PARP16: variants seen among roughly 807,000 people sequenced by gnomAD.
The protein encoded by PARP16 is protein mono-ADP-ribosyltransferase PARP16.
Under a neutral mutation model 35.0 loss-of-function variants are expected in PARP16, and 31 were observed. The ratio of observed to expected loss-of-function variants is 0.88; its 90% CI spans 0.66 to 1.19. PARP16 has a LOEUF of 1.19. Ranked by LOEUF, PARP16 falls within the 50% of genes most tolerant of loss-of-function variation. The pLI is 0.00. For missense variants in PARP16, 424 were observed against 411.2 expected (o/e 1.03, Z -0.27); for synonymous variants, 162 against 169.5 (o/e 0.96, Z 0.34).
chr15:65,253,981 C>A (rs903716435), downstream of PARP16, among the ~76,000 whole-genome samples: 12 of 152,136 alleles, frequency 7.9e-5, no homozygotes, highest in African/African-American at 2.9e-4. Context: ...CCACACCCGG[C>A]TAATTTTTGT....
intron 3 of PARP16, among the ~76,000 whole-genome samples, chr15:65,241,703 TGA>T (rs1470932582): frequency 6.6e-6 from 1 of 152,214 alleles, no homozygotes; most frequent in Non-Finnish European, 1.5e-5. Flanking sequence ...TTTTTTATAT[TGA>T]GTGTATATAT....
At position 65,286,402 on chromosome 15, in the gene PARP16, C is replaced by T. The variant is rs766294840; in HGVS notation, c.25G>A (p.Ala9Thr). MQPSGWAA[A>T]REAAGRDMLA... is the part of the protein sequence containing the mutation. Reference sequence around the variant, plus strand: ...ATGTCGCGGCCCGCCGCCTCCCTGGCGGCCGCCCAGCCTGAGGGCTGCATC... The same window carrying T: ...ATGTCGCGGCCCGCCGCCTCCCTGGTGGCCGCCCAGCCTGAGGGCTGCATC... The change falls in exon 1 of 6, where the codon GCC becomes ACC. Residue 9 changes from alanine (A) to threonine (T), a missense_variant. Ala to Thr is a moderately conservative substitution (Grantham distance 58, BLOSUM62 0). Transcript: ENST00000649807. 41 of 1,544,906 alleles carry T rather than the reference C, an allele frequency of 2.7e-5. No homozygotes were observed. The highest frequency in any genetic ancestry group is 3.4e-5 in the Non-Finnish European group (39 of 1,149,436).
chr15:65,236,322 A>G (rs1370860846), intron 3 of PARP16, among the ~76,000 whole-genome samples: 2 of 152,214 alleles, frequency 1.3e-5, no homozygotes, highest in African/African-American at 2.4e-5. Flanking sequence ...CACAATTATG[A>G]ACTTTGATGG....
Position 65,259,331 on chromosome 15 carries a change from A to ATG in PARP16, c.*74_*75dup. On this transcript the variant is annotated 3_prime_UTR_variant, in exon 6 of 6. Coordinates refer to ENST00000649807, the MANE Select transcript of PARP16 (RefSeq NM_001316943.2). ...GCCCCTAGGCTCAACCTGGCTGGAC[A>ATG]TGAGGCATAGGAGGTACAGAACAAG... 3 of 1,487,260 alleles carry ATG rather than the reference A, an allele frequency of 2.0e-6. No homozygotes were observed. The highest frequency in any genetic ancestry group is 2.8e-6 in the Non-Finnish European group (3 of 1,073,024). 92.1% of individuals were successfully genotyped at this position (1,487,260 alleles called of 1,614,324 possible). A position where few individuals can be genotyped will look rare whatever the true frequency, so the allele number is the denominator to read the frequency against.
intron 4 of PARP16, among the ~76,000 whole-genome samples, chr15:65,262,407 C>T (rs945027906): frequency 6.6e-6 from 1 of 152,234 alleles, no homozygotes; most frequent in South Asian, 2.1e-4. Context: ...GCTGGGATTA[C>T]AGGCGTGAGC....
At chr15:65,279,167 T>A (rs2090346981) in intron 1 of PARP16, among the ~76,000 whole-genome samples, 1 of 152,130 alleles carries the variant, frequency 6.6e-6, no homozygotes, top group Non-Finnish European at 1.5e-5. Context: ...TGGTGTGCCA[T>A]CACCACGTCC....
intron 1 of PARP16, among the ~76,000 whole-genome samples, chr15:65,276,070 T>TCCTACTGCATCTGCCCAGACAGGGTC (rs1246344996): frequency 6.6e-6 from 1 of 152,108 alleles, no homozygotes; most frequent in Non-Finnish European, 1.5e-5. Context: ...TTCCCGGCCC[T>TCCTACTGCATCTGCCCAGACAGGGTC]CCTACTGCAT....
chr15:65,255,617 G>C (rs74023715), downstream of PARP16, among the ~76,000 whole-genome samples: 1,170 of 151,760 alleles, frequency 7.7e-3, 20 homozygotes, highest in African/African-American at 0.027. Context: ...TGGAGCTCCT[G>C]GAGGGCAAGA....
At position 65,286,561 on chromosome 15, in the gene PARP16, AG is replaced by A; in HGVS notation, c.-136del. On this transcript the variant is annotated 5_prime_UTR_variant, in exon 1 of 6. Transcript: ENST00000649807. ...TCCCAAGCCTGGGGTGGAGCTAGGC[AG>A]GGGGCTGAGATGACAGGGGTGAGAA... 1 of 606,452 alleles carries A rather than the reference AG, an allele frequency of 1.6e-6. No individual in the cohort carries two copies. Among genetic ancestry groups the A allele is most frequent in the Non-Finnish European group, 2.7e-6 (1 of 371,770 alleles). 37.6% of individuals were successfully genotyped at this position (606,452 alleles called of 1,614,324 possible).
chr15:65,239,452 A>AAGAGAG (rs1555419135), intron 3 of PARP16, among the ~76,000 whole-genome samples: 1 of 113,038 alleles, frequency 8.8e-6, no homozygotes, highest in Non-Finnish European at 1.9e-5. Context: ...AAAAAAAAAA[A>AAGAGAG]AGAGAGAAAA....
intron 3 of PARP16, among the ~76,000 whole-genome samples, chr15:65,241,948 C>A (rs1470738919): frequency 6.6e-6 from 1 of 152,032 alleles, no homozygotes; most frequent in Admixed American, 6.6e-5. Flanking sequence ...TTTTGCCCAA[C>A]CTAAGGTTAT....
intron 1 of PARP16, among the ~76,000 whole-genome samples, chr15:65,280,678 T>C (rs1247875519): frequency 6.6e-6 from 1 of 151,970 alleles, no homozygotes. Flanking sequence ...GAGAGGGAGT[T>C]TGCTTCAACA....
chr15:65,245,205 GCA>G (rs1389073165), intron 3 of PARP16, among the ~76,000 whole-genome samples: 1 of 152,236 alleles, frequency 6.6e-6, no homozygotes, highest in Non-Finnish European at 1.5e-5. Context: ...TGTGGGGGAG[GCA>G]CAGAGAGGGC....
At chr15:65,231,496 C>G (rs2088778295), downstream of PARP16, among the ~76,000 whole-genome samples, 1 of 150,524 alleles carries the variant, frequency 6.6e-6, no homozygotes, top group South Asian at 2.1e-4. Context: ...GTCACCCAGG[C>G]TAAAGTGCAG....
intron 2 of PARP16, among the ~76,000 whole-genome samples, chr15:65,252,735 C>T (rs1315551320): frequency 4.6e-5 from 7 of 152,236 alleles, no homozygotes; most frequent in African/African-American, 1.4e-4. Context: ...TTACTAAAAC[C>T]TGCTCTTAGG....
intron 3 of PARP16, among the ~76,000 whole-genome samples, chr15:65,247,798 CTTTTTTTTTTTTTTTT>C (rs930896140): frequency 1.1e-5 from 1 of 90,994 alleles, no homozygotes; most frequent in African/African-American, 4.4e-5. Flanking sequence ...ATGGATTGTT[CTTTTTTTTTTTTTTTT>C]TTTTTTTTGA....
At position 65,280,083 on chromosome 15, in the gene PARP16, C is replaced by A. The variant is rs576759559; in HGVS notation, c.174+6170G>T. On this transcript the variant is annotated intron_variant, in intron 1 of 5. Coordinates refer to ENST00000649807, the MANE Select transcript of PARP16 (RefSeq NM_001316943.2). ...TAATAATAATAATAACGATCTTCCC[C>A]AGTTAATGTCAATATTCAATTTCCA... 2.0e-5 allele frequency among the ~76,000 whole-genome samples: 3 copies of A among 152,036 alleles called. No homozygotes were observed. The East Asian group carries it at 5.8e-4, about 29-fold the overall frequency.
intron 1 of PARP16, among the ~76,000 whole-genome samples, chr15:65,273,884 A>AAC (rs2090168866): frequency 6.6e-6 from 1 of 151,378 alleles, no homozygotes; most frequent in Non-Finnish European, 1.5e-5. Flanking sequence ...TTCAAAAAAA[A>AAC]AAAAAACAAA....
chr15:65,269,183 T>TCTTC (rs1331522250), intron 2 of PARP16, among the ~76,000 whole-genome samples: 13 of 147,022 alleles, frequency 8.8e-5, no homozygotes, highest in African/African-American at 3.1e-4. Context: ...TTTTTTTCTT[T>TCTTC]CTTTCTTTCT....
Sources: gnomAD v4.1 joint callset for allele counts (sites outside exome capture counted in the v4.1 genomes callset) on GRCh38, gnomAD v4.1.1 for gene constraint, MANE v1.5 for transcripts, NCBI Gene and HGNC (gene_info 2026-07-23, HGNC 2026-07-21) for gene names.